Variants in HELB observed in about 807,000 individuals in gnomAD.
HELB encodes the protein DNA 5'-3' helicase B.
HELB carries 96 observed loss-of-function variants against 101.7 expected under a neutral mutation model. That is an observed-to-expected ratio of 0.94 (90% CI 0.80 to 1.12). HELB has a LOEUF of 1.12. HELB is among the 50% of genes most tolerant of loss of function. The pLI is 0.00. For missense variants in HELB, 1,210 were observed against 1,291.9 expected, an observed-to-expected ratio of 0.94 and a Z score of 0.97; for synonymous variants, 437 against 459.7, an observed-to-expected ratio of 0.95 and a Z score of 0.63.
At chr12:66,328,205 C>T (rs1009421087) in intron 11 of HELB, among the ~76,000 whole-genome samples, 1 of 152,112 alleles carries the variant, frequency 6.6e-6, no homozygotes, top group African/African-American at 2.4e-5. Flanking sequence ...CCACTAGCCA[C>T]GTGTAGCTAT....
At chr12:66,312,534 T>TG (rs2053556365) in intron 4 of HELB, among the ~76,000 whole-genome samples, 1 of 152,244 alleles carries the variant, frequency 6.6e-6, no homozygotes, top group South Asian at 2.1e-4. Flanking sequence ...ATCTTTTTTT[T>TG]GTACTATGCC....
chr12:66,322,737 C>A lies in HELB; in HGVS notation c.2251C>A (p.Leu751Ile). The change falls in exon 9 of 13, where the codon CTA becomes ATA. Residue 751 changes from leucine to isoleucine, a missense_variant. Transcript: ENST00000247815. Reference protein sequence around the residue: ...FIAFRRQDCDLINDCCCKHYT... With the variant: ...FIAFRRQDCDIINDCCCKHYT... ...CGTGTGTTTCAGGCAAGACTGTGAT[C>A]TAATTAATGACTGCTGCTGCAAACA... 1 of 1,610,118 alleles carries A rather than the reference C, an allele frequency of 6.2e-7. No individual in the cohort carries two copies. Among genetic ancestry groups the A allele is most frequent in the Non-Finnish European group, 8.5e-7 (1 of 1,177,976 alleles).
chr12:66,304,963 T>C lies in HELB; in HGVS notation c.420T>C (p.Asp140=). ...AAGAGTGTGAGGTCTCCAGTGATGA[T>C]GTTAATAAATTTTTAACATGGGTAA... ...FLKECEVSSD[D]VNKFLTWVKE... The change falls in exon 2 of 13, where the codon GAT becomes GAC. Residue 140 remains aspartate (D), a synonymous_variant. Transcript: ENST00000247815. 2 of 1,614,086 alleles carry C rather than the reference T, an allele frequency of 1.2e-6. No individual in the cohort carries two copies. Among genetic ancestry groups the C allele is most frequent in the East Asian group, 2.2e-5 (1 of 44,870 alleles).
At chr12:66,323,612 CAAAT>C (rs531773826) in intron 9 of HELB, among the ~76,000 whole-genome samples, 21 of 152,090 alleles carry the variant, frequency 1.4e-4, no homozygotes, top group African/African-American at 4.6e-4. Flanking sequence ...TGTAAGACCT[CAAAT>C]AAGGTAATGA....
chr12:66,310,442 A>G lies in HELB; in HGVS notation c.1514A>G (p.Glu505Gly). The change falls in exon 4 of 13, where the codon GAA becomes GGA. Residue 505 changes from glutamate (E) to glycine (G), a missense_variant. Transcript: ENST00000247815. ...LEEREVKKACEDFEQDQNASE... is the reference protein window; with the variant it reads ...LEEREVKKACGDFEQDQNASE... ...GAAAGAGAAGTAAAAAAAGCCTGTGAAGATTTTGAACAAGACCAGAATGCT... is the reference window on the plus strand; with the variant it reads ...GAAAGAGAAGTAAAAAAAGCCTGTGGAGATTTTGAACAAGACCAGAATGCT... 1 of 1,614,170 alleles carries G rather than the reference A, an allele frequency of 6.2e-7. No homozygotes were observed. The highest frequency in any genetic ancestry group is 1.3e-5 in the African/African-American group (1 of 75,044).
chr12:66,331,469 AATG>A lies in HELB; in HGVS notation c.2990_2992del (p.Asp997del), dbSNP rs2053807221. 6.2e-7 allele frequency: 1 copy of A among 1,614,210 alleles called. No homozygotes were observed. The highest frequency in any genetic ancestry group is 1.7e-5 in the Admixed American group (1 of 60,032). On this transcript the variant is annotated inframe_deletion, in exon 12 of 13. Transcript: ENST00000247815. ...TGTAGTCACAGACCACGCCATGACAAATGATGTCACCTGGAGCGAGGCCTCTTC... is the reference window on the plus strand; with the variant it reads ...TGTAGTCACAGACCACGCCATGACAAATGTCACCTGGAGCGAGGCCTCTTC...
At chr12:66,323,337 CAA>C (rs1391946189) in intron 9 of HELB, among the ~76,000 whole-genome samples, 1 of 152,016 alleles carries the variant, frequency 6.6e-6, no homozygotes. Context: ...GGTAGCCCAA[CAA>C]GAGGCCAGAA....
At position 66,315,238 on chromosome 12, in the gene HELB, T is replaced by G. The variant is rs1292872638; in HGVS notation, c.1859-4T>G. 2 of 1,557,816 alleles carry G rather than the reference T, an allele frequency of 1.3e-6. No homozygotes were observed. Among genetic ancestry groups the G allele is most frequent in the East Asian group, 4.6e-5 (2 of 43,466 alleles). ...TCTTGCTACTGTATCTTTTTTTCTT[T>G]TAGGTGACATTAGACAGTTACCCAG... On this transcript the variant is annotated splice_polypyrimidine_tract_variant and splice_region_variant and intron_variant, in intron 5 of 12. Transcript: ENST00000247815.
chr12:66,302,603 C>T lies in HELB; in HGVS notation c.-1C>T. The stretch of plus-strand genomic sequence containing the variant: ...TTGTTTGGGTTGAGTTCAGGAGAAG[C>T]ATGGCCAGGTCGAGTCCGTACCTGC... On this transcript the variant is annotated 5_prime_UTR_variant, in exon 1 of 13. Transcript: ENST00000247815. 1 of 1,612,634 alleles carries T rather than the reference C, an allele frequency of 6.2e-7. No homozygotes were observed. The highest frequency in any genetic ancestry group is 1.3e-5 in the African/African-American group (1 of 75,026).
chr12:66,309,431 G>A (rs1054214849), intron 3 of HELB, among the ~76,000 whole-genome samples: 9 of 152,102 alleles, frequency 5.9e-5, no homozygotes, highest in African/African-American at 2.2e-4. Context: ...CATGAGAAGG[G>A]ATAAGGAAAG....
intron 12 of HELB, among the ~76,000 whole-genome samples, chr12:66,337,041 T>C (rs535016237): frequency 3.3e-5 from 5 of 152,256 alleles, no homozygotes; most frequent in African/African-American, 1.2e-4. Context: ...AGGATAGAGC[T>C]GATGGGACTT....
intron 10 of HELB, 194 bp from the exon 11 acceptor site, chr12:66,324,789 T>C: frequency 1.8e-6 from 1 of 564,450 alleles, no homozygotes; most frequent in Non-Finnish European, 3.1e-6. Context: ...AAAACTTCTA[T>C]TTGTGTTTAT....
chr12:66,305,440 T>TA (rs919855133), intron 2 of HELB, among the ~76,000 whole-genome samples: 7 of 151,742 alleles, frequency 4.6e-5, no homozygotes, highest in Non-Finnish European at 7.4e-5. Flanking sequence ...GAATCATTAA[T>TA]AAAAAAAAAT....
Position 66,315,341 on chromosome 12 carries a change from A to C in HELB, c.1958A>C (p.Asn653Thr). The C allele has an allele frequency of 6.2e-7, 1 of 1,607,176 alleles. No individual in the cohort carries two copies. The highest frequency in any genetic ancestry group is 8.5e-7 in the Non-Finnish European group (1 of 1,177,012). Residue 653 changes from asparagine to threonine, a missense_variant, in exon 6 of 13, where the codon AAC becomes ACC. By Grantham distance (65) the Asn-to-Thr change is moderately conservative. Transcript: ENST00000247815. ...SRNCAIELKTNHRAESQLIVD... is the reference protein window; with the variant it reads ...SRNCAIELKTTHRAESQLIVD... ...AATTGTGCTATTGAGCTAAAGACAA[A>C]CCATAGAGCAGAATCTCAGCTCATT...
intron 3 of HELB, 64 bp downstream of exon 3, chr12:66,306,578 T>C: frequency 7.9e-7 from 1 of 1,263,760 alleles, no homozygotes; most frequent in African/African-American, 1.5e-5. Flanking sequence ...GATTTGGCAA[T>C]TTTCCTTTCT....
chr12:66,313,898 C>A (rs1216060507), intron 4 of HELB, 88 bp from the exon 5 acceptor site: 2 of 1,171,060 alleles, frequency 1.7e-6, no homozygotes, highest in African/African-American at 1.5e-5. Flanking sequence ...TGCCAATTTA[C>A]GAGTTTTGCC....
intron 7 of HELB, among the ~76,000 whole-genome samples, chr12:66,320,474 A>G (rs928619777): frequency 1.3e-5 from 2 of 152,228 alleles, no homozygotes; most frequent in Non-Finnish European, 2.9e-5. Flanking sequence ...AGTTAATAGT[A>G]GGTCCTATTT....
At position 66,322,317 on chromosome 12, in the gene HELB, C is replaced by T. The variant is rs539275274; in HGVS notation, c.2237+288C>T. Among the ~76,000 whole-genome samples the T allele has an allele frequency of 2.0e-5, 3 of 152,058 alleles. No homozygotes were observed. In the South Asian group the frequency reaches 6.2e-4, roughly 32 times the overall value. On this transcript the variant is annotated intron_variant, in intron 8 of 12. Transcript: ENST00000247815. ...GTGGCTCACACCTGTAATCCCAGCA[C>T]TTTGGGAGGCCGAGGCAGGCAGATC... is the stretch of plus-strand genomic sequence containing the variant.
At chr12:66,339,465 G>C (rs751980289), downstream of HELB, 6 of 151,418 alleles carry the variant, frequency 4.0e-5, no homozygotes, top group Admixed American at 6.6e-5. Flanking sequence ...ACCCTACAAA[G>C]AAACCTCACA....
Sources: allele counts gnomAD v4.1 joint callset (sites outside exome capture counted in the v4.1 genomes callset), GRCh38; gene constraint gnomAD v4.1.1; transcripts MANE v1.5; gene names NCBI Gene and HGNC (gene_info 2026-07-23, HGNC 2026-07-21).